The following ZNF783 variants were observed in gnomAD, a reference collection of about 807,000 sequenced individuals.
ZNF783 encodes protein ZNF783.
Under a neutral mutation model 31.3 loss-of-function variants are expected in ZNF783, and 25 were observed. The ratio of observed to expected loss-of-function variants is 0.80; its 90% CI spans 0.58 to 1.11. The LOEUF (loss-of-function observed/expected upper bound fraction) is 1.11. Among genes scored for constraint, ZNF783 ranks in the 50% most tolerant of loss-of-function variants. The pLI is 0.00. For synonymous variants in ZNF783, 369 were observed against 319.1 expected, an observed-to-expected ratio of 1.16 and a Z score of -1.66; for missense variants, 797 against 760.0, an observed-to-expected ratio of 1.05 and a Z score of -0.57.
chr7:149,278,104 T>G, intron 4 of ZNF783: 4 of 1,124,506 alleles, frequency 3.6e-6, no homozygotes, highest in East Asian at 5.5e-5. Flanking sequence ...GGGACAGGCA[T>G]GGTGTTTCTC....
chr7:149,276,493 T>A (rs1288214782), intron 4 of ZNF783: 1 of 985,406 alleles, frequency 1.0e-6, no homozygotes, highest in African/African-American at 1.7e-5. Context: ...CTCCCGTACG[T>A]AAAGGGGAAT....
intron 4 of ZNF783, chr7:149,277,492 G>T (rs1797359478): frequency 6.6e-6 from 1 of 152,070 alleles, no homozygotes; most frequent in Admixed American, 6.6e-5. Context: ...TGTAATCCCA[G>T]CACTTTGGGA....
rs1298799498 is a variant in ZNF783, at chr7:149,282,933, G to T, written c.*590G>T. The T allele has an allele frequency of 6.6e-6, 1 of 151,018 alleles. No homozygotes were observed. Among genetic ancestry groups the T allele is most frequent in the Non-Finnish European group, 1.5e-5 (1 of 67,840 alleles). The allele number at this position is 151,018 out of a possible 1,614,324, so 9.4% of individuals were successfully genotyped here. On this transcript the variant is annotated 3_prime_UTR_variant, in exon 6 of 6. Transcript: ENST00000434415. ...CTCGCAGAGCTGAAAGGGGAGCTACGTCCACCAGCCTGTGGGTCTTTTGGT... is the reference window on the plus strand; with the variant it reads ...CTCGCAGAGCTGAAAGGGGAGCTACTTCCACCAGCCTGTGGGTCTTTTGGT...
intron 5 of ZNF783, among the ~76,000 whole-genome samples, chr7:149,280,685 C>T (rs188206144): frequency 8.5e-5 from 13 of 152,224 alleles, no homozygotes; most frequent in Admixed American, 7.8e-4. Flanking sequence ...CCAGCCCCTC[C>T]GTGTCCACAG....
In ZNF783 at chr7:149,278,664, A is replaced by G; in HGVS notation, c.802+137A>G. On this transcript the variant is annotated intron_variant, in intron 5 of 5. Transcript: ENST00000434415. ...TGGGAGACTGGTTGGGCTGGGCCGG[A>G]CAGGCTTTCTGGGAAAGAGGCCCCT... The G allele has an allele frequency of 4.2e-6, 6 of 1,423,968 alleles. No homozygotes were observed. In the South Asian group the frequency reaches 6.8e-5, roughly 16 times the overall value. 88.2% of individuals were successfully genotyped at this position (1,423,968 alleles called of 1,614,324 possible). A position where few individuals can be genotyped will look rare whatever the true frequency, so the allele number is the denominator to read the frequency against.
chr7:149,281,402 G>A (rs1378693835), intron 5 of ZNF783, 103 bp from the exon 6 acceptor site: 1 of 1,032,470 alleles, frequency 9.7e-7, no homozygotes. Context: ...GCACTGTGGG[G>A]AGATAGGGCC....
Position 149,262,240 on chromosome 7 carries a change from G to T in ZNF783, c.-94G>T. ...CCCGGCAGTAGCTCTCAGGTTAGGC[G>T]GGTCCCGCTCCGCTTCCGCCGTCGC... On this transcript the variant is annotated 5_prime_UTR_variant, in exon 1 of 6. Transcript: ENST00000434415. 2 of 1,184,144 alleles carry T rather than the reference G, an allele frequency of 1.7e-6. No homozygotes were observed. The highest frequency in any genetic ancestry group is 2.1e-5 in the South Asian group (1 of 47,292). 73.4% of individuals were successfully genotyped at this position (1,184,144 alleles called of 1,614,324 possible). A position where few individuals can be genotyped will look rare whatever the true frequency, so the allele number is the denominator to read the frequency against.
intron 4 of ZNF783, among the ~76,000 whole-genome samples, chr7:149,267,535 C>A (rs777380311): frequency 2.2e-4 from 34 of 152,306 alleles, no homozygotes; most frequent in Admixed American, 1.0e-3. Context: ...CGGTGGCTCA[C>A]GCCTGTAATC....
chr7:149,281,167 C>A (rs1797457119), intron 5 of ZNF783, among the ~76,000 whole-genome samples: 2 of 152,184 alleles, frequency 1.3e-5, no homozygotes. Flanking sequence ...GTCCTGCCAC[C>A]CTCTCTGCTG....
intron 5 of ZNF783, among the ~76,000 whole-genome samples, chr7:149,281,025 G>A (rs1486992655): frequency 1.3e-5 from 2 of 152,242 alleles, no homozygotes; most frequent in East Asian, 3.8e-4. Flanking sequence ...ATGAGCAGCT[G>A]AGCATGGGTG....
chr7:149,266,442 G>C lies in ZNF783; in HGVS notation c.132G>C (p.Trp44Cys), dbSNP rs773612154. The C allele has an allele frequency of 6.8e-6, 11 of 1,605,866 alleles. No homozygotes were observed. Among genetic ancestry groups the C allele is most frequent in the Non-Finnish European group, 9.3e-6 (11 of 1,179,940 alleles). The change falls in exon 2 of 6, where the codon TGG (tryptophan) becomes TGC (cysteine). Residue 44 changes from tryptophan to cysteine, a missense_variant. Trp to Cys is a radical substitution (Grantham distance 215). Coordinates refer to ENST00000434415, the MANE Select transcript of ZNF783 (RefSeq NM_001195220.2). The part of the protein sequence containing the change: ...SYLYSTEITL[W>C]TVVAAIQALE... Reference sequence around the variant, plus strand: ...TCTACTCCACGGAAATCACACTGTGGACGGTGGTGGCCGCCATTCAGGCCT... The same window carrying C: ...TCTACTCCACGGAAATCACACTGTGCACGGTGGTGGCCGCCATTCAGGCCT...
At chr7:149,271,828 CAT>C (rs1487915393) in intron 4 of ZNF783, among the ~76,000 whole-genome samples, 1 of 152,128 alleles carries the variant, frequency 6.6e-6, no homozygotes, top group African/African-American at 2.4e-5. Flanking sequence ...GAGATCACCT[CAT>C]ATGATTATGT....
intron 4 of ZNF783, among the ~76,000 whole-genome samples, chr7:149,273,527 C>G (rs1585614738): frequency 6.6e-6 from 1 of 151,688 alleles, no homozygotes; most frequent in African/African-American, 2.4e-5. Context: ...TTTTCATATA[C>G]CTGTTTGCCA....
rs1382835328 is a variant in ZNF783, at chr7:149,282,381, C to T, written c.*38C>T. The T allele has an allele frequency of 1.4e-6, 2 of 1,413,262 alleles. No homozygotes were observed. The highest frequency in any genetic ancestry group is 1.5e-5 in the African/African-American group (1 of 68,612). The allele number at this position is 1,413,262 out of a possible 1,614,324, so 87.5% of individuals were successfully genotyped here. A position where few individuals can be genotyped will look rare whatever the true frequency, so the allele number is the denominator to read the frequency against. On this transcript the variant is annotated 3_prime_UTR_variant, in exon 6 of 6. Coordinates refer to ENST00000434415, the MANE Select transcript of ZNF783 (RefSeq NM_001195220.2). ...CCACAGAGGACCCCTGGCGGGGTCTCTCCCCTGTGCCTGACGCAGGTTCTT... is the reference window on the plus strand; with the variant it reads ...CCACAGAGGACCCCTGGCGGGGTCTTTCCCCTGTGCCTGACGCAGGTTCTT...
Position 149,282,055 on chromosome 7 carries a change from G to A in ZNF783, c.1353G>A (p.Leu451=), listed in dbSNP as rs772633850. The change falls in exon 6 of 6, where the codon CTG becomes CTA. Residue 451 remains leucine (L), a synonymous_variant. Transcript: ENST00000434415. ...GCTTCTTCCAGCAGCGCAAGAGCCT[G>A]CTGCTGCACCAGCGCCTGCACACCG... is the stretch of plus-strand genomic sequence containing the variant. ...CLRFFQQRKS[L]LLHQRLHTGN... is the part of the protein sequence containing the mutation. The A allele has an allele frequency of 2.6e-5, 41 of 1,594,342 alleles. No homozygotes were observed. Among genetic ancestry groups the A allele is most frequent in the South Asian group, 2.2e-5 (2 of 90,624 alleles).
At chr7:149,263,317 TA>T (rs1563192924) in intron 1 of ZNF783, among the ~76,000 whole-genome samples, 15 of 142,322 alleles carry the variant, frequency 1.1e-4, no homozygotes, top group African/African-American at 3.8e-4. Context: ...TATATATATA[TA>T]TATATATTTT....
Position 149,282,124 on chromosome 7 carries a change from C to G in ZNF783, c.1422C>G (p.Ala474=). The change falls in exon 6 of 6, where the codon GCC becomes GCG. Residue 474 remains alanine (A), a synonymous_variant. Coordinates refer to ENST00000434415, the MANE Select transcript of ZNF783 (RefSeq NM_001195220.2). The part of the protein sequence containing the change: ...GWPACPYCGK[A]FRRPSDLFRH... ...CCGCCTGCCCCTACTGCGGCAAGGC[C>G]TTCCGCCGGCCCTCGGACCTCTTCC... The G allele has an allele frequency of 6.3e-7, 1 of 1,599,052 alleles. No individual in the cohort carries two copies. Among genetic ancestry groups the G allele is most frequent in the South Asian group, 1.1e-5 (1 of 91,000 alleles).
chr7:149,282,418 G>A lies in ZNF783; in HGVS notation c.*75G>A, dbSNP rs1797501148. 7.9e-7 allele frequency: 1 copy of A among 1,260,032 alleles called. No homozygotes were observed. Among genetic ancestry groups the A allele is most frequent in the Non-Finnish European group, 1.1e-6 (1 of 943,360 alleles). 78.1% of individuals were successfully genotyped at this position (1,260,032 alleles called of 1,614,324 possible). The stretch of plus-strand genomic sequence containing the variant: ...TGACGCAGGTTCTTCCTTTTCCTGG[G>A]ATGGAGAGAGGTTTGTTGTTTTTAC... On this transcript the variant is annotated 3_prime_UTR_variant, in exon 6 of 6. Transcript: ENST00000434415.
At chr7:149,274,656 G>A (rs539665891) in intron 4 of ZNF783, among the ~76,000 whole-genome samples, 5 of 152,344 alleles carry the variant, frequency 3.3e-5, no homozygotes, top group East Asian at 1.9e-4. Context: ...GTGAGCCGCC[G>A]CACCTGGCCT....
Sources: allele counts gnomAD v4.1 joint callset (sites outside exome capture counted in the v4.1 genomes callset), GRCh38; gene constraint gnomAD v4.1.1; transcripts MANE v1.5; gene names NCBI Gene and HGNC (gene_info 2026-07-23, HGNC 2026-07-21).